The following KIF6 variants were observed in gnomAD, a reference collection of about 807,000 sequenced individuals.
KIF6 encodes kinesin-like protein KIF6.
Under a neutral mutation model 112.7 loss-of-function variants are expected in KIF6, and 106 were observed. That is an observed-to-expected ratio of 0.94 (90% CI 0.80 to 1.11). The LOEUF is 1.11. KIF6 is among the 50% of genes least tolerant of loss of function. The pLI is 0.00. For missense variants in KIF6, 929 were observed against 964.0 expected, an observed-to-expected ratio of 0.96 and a Z score of 0.48; for synonymous variants, 339 against 339.9, an observed-to-expected ratio of 1.00 and a Z score of 0.03.
intron 3 of KIF6, among the ~76,000 whole-genome samples, chr6:39,642,634 G>A (rs539503239): frequency 6.7e-6 from 1 of 149,212 alleles, no homozygotes; most frequent in Admixed American, 6.9e-5. Flanking sequence ...AAAAATCAGT[G>A]GCAAGTGTTT....
At chr6:39,538,957 T>G (rs1453163044) in intron 13 of KIF6, among the ~76,000 whole-genome samples, 1 of 150,832 alleles carries the variant, frequency 6.6e-6, no homozygotes, top group African/African-American at 2.4e-5. Flanking sequence ...CTCAGTAAAC[T>G]ATCGCAAGGA....
intron 10 of KIF6, among the ~76,000 whole-genome samples, chr6:39,551,423 C>T (rs986552408): frequency 6.6e-6 from 1 of 152,094 alleles, no homozygotes; most frequent in African/African-American, 2.4e-5. Flanking sequence ...ATCCAGTATT[C>T]AGTGGCACAA....
At chr6:39,397,341 C>A (rs774743447) in intron 15 of KIF6, among the ~76,000 whole-genome samples, 13 of 152,186 alleles carry the variant, frequency 8.5e-5, no homozygotes, top group Non-Finnish European at 1.2e-4. Context: ...GGGATGATTT[C>A]TATCCCCATC....
At chr6:39,361,577 A>AG (rs1333301883) in intron 17 of KIF6, among the ~76,000 whole-genome samples, 1 of 151,614 alleles carries the variant, frequency 6.6e-6, no homozygotes, top group African/African-American at 2.4e-5. Flanking sequence ...AAAAAAAAAA[A>AG]AAAGCGGGGG....
At chr6:39,487,708 A>G (rs1775201971) in intron 13 of KIF6, among the ~76,000 whole-genome samples, 1 of 152,216 alleles carries the variant, frequency 6.6e-6, no homozygotes, top group Admixed American at 6.5e-5. Flanking sequence ...GGTGAGTGCT[A>G]TTTTGTTTTG....
intron 10 of KIF6, among the ~76,000 whole-genome samples, chr6:39,548,066 GATTT>G (rs1779159378): frequency 1.3e-5 from 2 of 152,182 alleles, no homozygotes; most frequent in African/African-American, 4.8e-5. Context: ...AGCACTTTGT[GATTT>G]CCAGAGTCCA....
rs576174125 is a variant in KIF6, at chr6:39,439,695, T to A, written c.1646-8534A>T. The stretch of plus-strand genomic sequence containing the variant: ...CGCTGGTCCCTTACCCACTTCTTAA[T>A]GCTTTCTTTTTTTTTCAACCTGAAA... On this transcript the variant is annotated intron_variant, in intron 13 of 22. Transcript: ENST00000287152. Among the ~76,000 whole-genome samples, 8 of 152,282 alleles carry A rather than the reference T, an allele frequency of 5.3e-5. No individual in the cohort carries two copies. The East Asian group carries it at 1.5e-3, about 29-fold the overall frequency.
At chr6:39,485,483 G>C (rs540005966) in intron 13 of KIF6, among the ~76,000 whole-genome samples, 2 of 151,960 alleles carry the variant, frequency 1.3e-5, no homozygotes, top group Non-Finnish European at 2.9e-5. Flanking sequence ...TAAAGGCTGG[G>C]GACTGCATCT....
Position 39,336,470 on chromosome 6 carries a change from G to A in KIF6, c.*62C>T, listed in dbSNP as rs529251571. ...TCTGAAGCCAGAGCAAGTGAGGGGC[G>A]CTGCCTTCATCTGTGCTTCATTCTT... On this transcript the variant is annotated 3_prime_UTR_variant, in exon 23 of 23. Coordinates refer to ENST00000287152, the MANE Select transcript of KIF6 (RefSeq NM_145027.6). The A allele has an allele frequency of 1.7e-5, 26 of 1,518,942 alleles. No homozygotes were observed. Among genetic ancestry groups the A allele is most frequent in the Middle Eastern group, 1.7e-4 (1 of 5,894 alleles). 94.1% of individuals were successfully genotyped at this position (1,518,942 alleles called of 1,614,324 possible).
intron 3 of KIF6, among the ~76,000 whole-genome samples, chr6:39,676,061 G>GGA (rs1388635514): frequency 5.3e-4 from 9 of 17,102 alleles, no homozygotes; most frequent in Non-Finnish European, 1.4e-3. Flanking sequence ...AAGGAAATAT[G>GGA]GAAAAAAAAA....
At chr6:39,493,030 T>C (rs1184191182) in intron 13 of KIF6, among the ~76,000 whole-genome samples, 1 of 152,232 alleles carries the variant, frequency 6.6e-6, no homozygotes, top group African/African-American at 2.4e-5. Flanking sequence ...AGCTTGTGTT[T>C]GCCCAGCACA....
intron 5 of KIF6, among the ~76,000 whole-genome samples, chr6:39,626,416 C>T (rs1258335451): frequency 6.6e-6 from 1 of 152,070 alleles, no homozygotes; most frequent in Non-Finnish European, 1.5e-5. Flanking sequence ...GGATATGACA[C>T]AGATCTCTTA....
At chr6:39,530,484 C>A (rs941991013) in intron 13 of KIF6, among the ~76,000 whole-genome samples, 2 of 152,176 alleles carry the variant, frequency 1.3e-5, no homozygotes, top group Non-Finnish European at 2.9e-5. Context: ...GCGGAACAAT[C>A]TCTCTCATTA....
At chr6:39,478,241 A>T (rs892200638) in intron 13 of KIF6, among the ~76,000 whole-genome samples, 1 of 151,910 alleles carries the variant, frequency 6.6e-6, no homozygotes, top group South Asian at 2.1e-4. Flanking sequence ...TGTCATTCTT[A>T]TGCCTTTGTA....
chr6:39,630,250 A>G (rs1784288718), intron 5 of KIF6, among the ~76,000 whole-genome samples: 1 of 152,048 alleles, frequency 6.6e-6, no homozygotes, highest in East Asian at 1.9e-4. Context: ...GATTAAATTG[A>G]TCTATACTTT....
At chr6:39,396,051 A>G (rs1177213270) in intron 15 of KIF6, among the ~76,000 whole-genome samples, 4 of 152,214 alleles carry the variant, frequency 2.6e-5, no homozygotes, top group Non-Finnish European at 4.4e-5. Context: ...ACAAGCCCCA[A>G]TTAAGGCTCA....
intron 3 of KIF6, among the ~76,000 whole-genome samples, chr6:39,695,204 G>C (rs1788451344): frequency 3.3e-5 from 5 of 152,012 alleles, no homozygotes; most frequent in Admixed American, 3.3e-4. Flanking sequence ...GGCCTCAAAT[G>C]ATAAAATTTC....
chr6:39,561,108 C>A (rs1176253061), intron 10 of KIF6, among the ~76,000 whole-genome samples: 1 of 152,134 alleles, frequency 6.6e-6, no homozygotes, highest in Admixed American at 6.5e-5. Flanking sequence ...GAAAGCATGG[C>A]CAGTATGAGT....
At chr6:39,611,871 A>G (rs1783234341) in intron 6 of KIF6, among the ~76,000 whole-genome samples, 2 of 152,216 alleles carry the variant, frequency 1.3e-5, no homozygotes, top group Admixed American at 6.5e-5. Flanking sequence ...CAAAGATCAA[A>G]TGGGCAAAAT....
Sources: allele counts gnomAD v4.1 joint callset (sites outside exome capture counted in the v4.1 genomes callset), GRCh38; gene constraint gnomAD v4.1.1; transcripts MANE v1.5; gene names NCBI Gene and HGNC (gene_info 2026-07-23, HGNC 2026-07-21).